Variants in ZC3H8 observed in about 807,000 individuals in gnomAD.
The protein encoded by ZC3H8 is zinc finger CCCH-type containing 8, also known as zinc finger CCCH domain-containing protein 8.
A neutral mutation model predicts 42.5 loss-of-function variants in ZC3H8; 27 were observed. The ratio of observed to expected loss-of-function variants is 0.64; its 90% CI spans 0.47 to 0.88. The LOEUF (loss-of-function observed/expected upper bound fraction) is 0.88, where lower values mean the gene tolerates loss of function less well. Among genes scored for constraint, ZC3H8 ranks in the 40% least tolerant of loss-of-function variants. ZC3H8 has a pLI of 0.00. For missense variants in ZC3H8, 277 were observed against 336.1 expected (o/e 0.82, Z 1.37); for synonymous variants, 101 against 110.1 (o/e 0.92, Z 0.52).
At chr2:112,232,259 C>T (rs995569513) in intron 6 of ZC3H8, among the ~76,000 whole-genome samples, 7 of 143,222 alleles carry the variant, frequency 4.9e-5, no homozygotes, top group East Asian at 2.0e-4. Flanking sequence ...GAGGTTGCAG[C>T]GAACCAAGAT....
At chr2:112,227,490 C>T (rs982167649) in intron 8 of ZC3H8, among the ~76,000 whole-genome samples, 7 of 152,232 alleles carry the variant, frequency 4.6e-5, no homozygotes, top group African/African-American at 1.7e-4. Flanking sequence ...GCGCCATTTG[C>T]ACTCCAGCCT....
In ZC3H8 at chr2:112,216,180, C is replaced by G. The variant is rs778123494; in HGVS notation, c.*304G>C. 3 of 152,198 alleles carry G rather than the reference C, an allele frequency of 2.0e-5. No individual in the cohort carries two copies. The highest frequency in any genetic ancestry group is 4.4e-5 in the Non-Finnish European group (3 of 68,052). The allele number at this position is 152,198 out of a possible 1,614,324, so 9.4% of individuals were successfully genotyped here. The stretch of plus-strand genomic sequence containing the variant: ...ATTTTATTAAGGAAATCCAATCAAT[C>G]AGAAGAGGTTTCTACAATTTACTAT... On this transcript the variant is annotated 3_prime_UTR_variant, in exon 9 of 9. Coordinates refer to ENST00000409573, the MANE Select transcript of ZC3H8 (RefSeq NM_032494.3).
chr2:112,234,740 C>T (rs1685241943), intron 4 of ZC3H8, among the ~76,000 whole-genome samples: 1 of 151,216 alleles, frequency 6.6e-6, no homozygotes. Context: ...GCAGAGGTTG[C>T]AGTGAGCCAA....
At chr2:112,221,985 T>C (rs1684609569) in intron 8 of ZC3H8, among the ~76,000 whole-genome samples, 1 of 152,208 alleles carries the variant, frequency 6.6e-6, no homozygotes. Context: ...TTCTCATTTA[T>C]ATCGGCTGAT....
chr2:112,248,682 G>A (rs1042370717), intron 2 of ZC3H8, among the ~76,000 whole-genome samples: 37 of 152,046 alleles, frequency 2.4e-4, no homozygotes, highest in Non-Finnish European at 5.9e-5. Context: ...TAGAGATGGC[G>A]TTTCTCCATG....
intron 3 of ZC3H8, among the ~76,000 whole-genome samples, chr2:112,237,169 G>A (rs1425267586): frequency 6.6e-6 from 1 of 152,204 alleles, no homozygotes; most frequent in East Asian, 1.9e-4. Context: ...GAAGCTCTGG[G>A]ACTAAGGGAC....
intron 8 of ZC3H8, among the ~76,000 whole-genome samples, chr2:112,220,927 C>G (rs912086704): frequency 6.6e-6 from 1 of 152,170 alleles, no homozygotes; most frequent in Non-Finnish European, 1.5e-5. Flanking sequence ...GATGACTATC[C>G]GTCATGAGGA....
chr2:112,236,146 C>A (rs1685319610), intron 4 of ZC3H8, among the ~76,000 whole-genome samples: 1 of 152,048 alleles, frequency 6.6e-6, no homozygotes, highest in Non-Finnish European at 1.5e-5. Flanking sequence ...CGCCTGTAGT[C>A]CCAGCTACTC....
At chr2:112,244,216 A>C (rs1468891782) in intron 2 of ZC3H8, among the ~76,000 whole-genome samples, 1 of 152,172 alleles carries the variant, frequency 6.6e-6, no homozygotes, top group African/African-American at 2.4e-5. Flanking sequence ...GAAATTGGTA[A>C]ATTTCACCTT....
At chr2:112,233,717 A>G (rs1288184389) in intron 5 of ZC3H8, among the ~76,000 whole-genome samples, 1 of 152,096 alleles carries the variant, frequency 6.6e-6, no homozygotes, top group Non-Finnish European at 1.5e-5. Flanking sequence ...AATACAAAAA[A>G]AATTAGCTGG....
chr2:112,233,695 G>A (rs901617821), intron 5 of ZC3H8, among the ~76,000 whole-genome samples: 18 of 152,032 alleles, frequency 1.2e-4, no homozygotes, highest in African/African-American at 3.6e-4. Flanking sequence ...GTGAAACCTC[G>A]TCCCTACTAA....
chr2:112,233,259 T>G lies in ZC3H8; in HGVS notation c.733+1A>C. ...TCACCATATCTTGTGATAAAGGATATTATGCAAATACAGACAGTTTTCACC... is the reference window on the plus strand; with the variant it reads ...TCACCATATCTTGTGATAAAGGATAGTATGCAAATACAGACAGTTTTCACC... On this transcript the variant is annotated splice_donor_variant, in intron 6 of 8. Transcript: ENST00000409573. LOFTEE classifies it high-confidence loss of function. 1 of 1,541,414 alleles carries G rather than the reference T, an allele frequency of 6.5e-7. No individual in the cohort carries two copies. The highest frequency in any genetic ancestry group is 1.2e-5 in the South Asian group (1 of 82,582).
At chr2:112,239,027 C>T (rs1685470125) in intron 2 of ZC3H8, among the ~76,000 whole-genome samples, 1 of 152,248 alleles carries the variant, frequency 6.6e-6, no homozygotes, top group Admixed American at 6.5e-5. Flanking sequence ...AAAGTCTAGT[C>T]TTTCTCCTAT....
chr2:112,224,229 A>C (rs1278598908), intron 8 of ZC3H8, among the ~76,000 whole-genome samples: 4 of 152,214 alleles, frequency 2.6e-5, no homozygotes, highest in African/African-American at 9.6e-5. Context: ...TCAGGAACGT[A>C]AGGGTGGTTT....
chr2:112,242,271 A>G (rs1386492249), intron 2 of ZC3H8, among the ~76,000 whole-genome samples: 2 of 152,264 alleles, frequency 1.3e-5, no homozygotes, highest in African/African-American at 4.8e-5. Context: ...TCATGGTTGA[A>G]ACAAAAGAAA....
intron 6 of ZC3H8, 95 bp from the exon 7 acceptor site, chr2:112,232,042 G>T: frequency 3.0e-6 from 2 of 668,942 alleles, no homozygotes; most frequent in Non-Finnish European, 4.5e-6. Context: ...AGACCTCTGT[G>T]GCCGGGCGAG....
Position 112,241,242 on chromosome 2 carries a change from T to G in ZC3H8, c.157-2714A>C, listed in dbSNP as rs796511515. On this transcript the variant is annotated intron_variant, in intron 2 of 8. Coordinates refer to ENST00000409573, the MANE Select transcript of ZC3H8 (RefSeq NM_032494.3). ...CCAGAACACAACCACCCAGGTACTT[T>G]CCCTAGGAAAAAAAGAGAAGGCTGT... Among the ~76,000 whole-genome samples, 20 of 152,136 alleles carry G rather than the reference T, an allele frequency of 1.3e-4. 1 individual carries two copies. The highest frequency in any genetic ancestry group is 4.8e-4 in the African/African-American group (20 of 41,512).
chr2:112,233,764 G>A (rs1685194298), intron 5 of ZC3H8, among the ~76,000 whole-genome samples: 3 of 152,086 alleles, frequency 2.0e-5, no homozygotes, highest in Non-Finnish European at 2.9e-5. Context: ...AGCTACTTGG[G>A]AGGCTGAGGC....
Position 112,255,029 on chromosome 2 carries a change from C to G in ZC3H8, c.-48G>C, listed in dbSNP as rs1333467969. 1 of 1,555,632 alleles carries G rather than the reference C, an allele frequency of 6.4e-7. No individual in the cohort carries two copies. The highest frequency in any genetic ancestry group is 8.7e-7 in the Non-Finnish European group (1 of 1,150,558). ...CGCGAGCCGGGAAGCTACAGAGTAACAACCCGAGAGAGTGACAACCCGGAC... is the reference window on the plus strand; with the variant it reads ...CGCGAGCCGGGAAGCTACAGAGTAAGAACCCGAGAGAGTGACAACCCGGAC... On this transcript the variant is annotated 5_prime_UTR_variant, in exon 1 of 9. Transcript: ENST00000409573.
Sources: gnomAD v4.1 joint callset for allele counts (sites outside exome capture counted in the v4.1 genomes callset) on GRCh38, gnomAD v4.1.1 for gene constraint, MANE v1.5 for transcripts, NCBI Gene and HGNC (gene_info 2026-07-23, HGNC 2026-07-21) for gene names.